TMEM132E: variants seen among roughly 807,000 people sequenced by gnomAD.
TMEM132E encodes transmembrane protein 132E.
A neutral mutation model predicts 78.5 loss-of-function variants in TMEM132E; 49 were observed. The ratio of observed to expected loss-of-function variants is 0.62; its 90% CI spans 0.50 to 0.79. TMEM132E has a LOEUF of 0.79. Ranked by LOEUF, TMEM132E falls within the 30% of genes least tolerant of loss-of-function variation. The probability of loss-of-function intolerance (pLI) is 0.00; values close to 1 mark genes in which losing one functional copy is unlikely to be tolerated. For synonymous variants in TMEM132E, 715 were observed against 670.6 expected (o/e 1.07, Z -1.02); for missense variants, 1,403 against 1,470.9 (o/e 0.95, Z 0.75).
intron 6 of TMEM132E, 78 bp downstream of exon 6, chr17:34,632,987 A>G: frequency 6.6e-7 from 1 of 1,515,494 alleles, no homozygotes; most frequent in Non-Finnish European, 9.1e-7. Context: ...TGATCTGCAT[A>G]TGGGTATAAG....
chr17:34,585,446 A>G (rs1195766007), intron 1 of TMEM132E, among the ~76,000 whole-genome samples: 1 of 152,200 alleles, frequency 6.6e-6, no homozygotes, highest in East Asian at 1.9e-4. Context: ...GGGAGTGTGT[A>G]GTAGCGGGCA....
At chr17:34,636,554 A>G (rs897628903) in intron 8 of TMEM132E, among the ~76,000 whole-genome samples, 2 of 152,188 alleles carry the variant, frequency 1.3e-5, no homozygotes, top group East Asian at 3.9e-4. Context: ...GAAAGGTGAC[A>G]GATGAGAGTC....
intron 1 of TMEM132E, among the ~76,000 whole-genome samples, chr17:34,600,058 G>A (rs34560307): frequency 1.3e-4 from 20 of 152,180 alleles, no homozygotes; most frequent in Non-Finnish European, 2.8e-4. Context: ...GTGGAAGATA[G>A]GTATGTCCTA....
intron 1 of TMEM132E, among the ~76,000 whole-genome samples, chr17:34,597,089 C>T (rs771914026): frequency 6.6e-6 from 1 of 152,064 alleles, no homozygotes; most frequent in Admixed American, 6.5e-5. Flanking sequence ...CTGCAGCCAC[C>T]GTATCAGACA....
At chr17:34,587,677 C>T (rs1160972536) in intron 1 of TMEM132E, among the ~76,000 whole-genome samples, 1 of 152,128 alleles carries the variant, frequency 6.6e-6, no homozygotes, top group Admixed American at 6.5e-5. Context: ...ATGCAGCGGC[C>T]TTGTCATGGT....
Position 34,593,175 on chromosome 17 carries a change from G to A in TMEM132E, c.67+12032G>A, listed in dbSNP as rs79464647. ...TAATCCTAGCACTTTGGGAAGCTGA[G>A]GCCAGAGAATCCCTTGAGACCAGGA... On this transcript the variant is annotated intron_variant, in intron 1 of 8. Coordinates refer to ENST00000631683, the MANE Select transcript of TMEM132E (RefSeq NM_001304438.2). 4.7e-3 allele frequency among the ~76,000 whole-genome samples: 718 copies of A among 151,812 alleles called. 7 individuals carry two copies. The highest frequency in any genetic ancestry group is 0.017 in the African/African-American group (688 of 41,376).
At chr17:34,587,527 C>T (rs1291832513) in intron 1 of TMEM132E, among the ~76,000 whole-genome samples, 1 of 152,124 alleles carries the variant, frequency 6.6e-6, no homozygotes, top group Non-Finnish European at 1.5e-5. Flanking sequence ...TGACTGATGA[C>T]CACTTTGCCC....
chr17:34,629,142 C>T lies in TMEM132E; in HGVS notation c.1276C>T (p.Arg426Trp), dbSNP rs200677547. ...CCACGGCGCCCTGCCTGACCTGGAGCGGGCAGTCACTGAGCTGACGGTCAT... is the reference window on the plus strand; with the variant it reads ...CCACGGCGCCCTGCCTGACCTGGAGTGGGCAGTCACTGAGCTGACGGTCAT... ...RGHGALPDLE[R>W]AVTELTVIQR... The change falls in exon 4 of 9, where the codon CGG becomes TGG. Residue 426 changes from arginine (R) to tryptophan (W), a missense_variant. By Grantham distance (101) the Arg-to-Trp change is moderately radical. Transcript: ENST00000631683. 2.5e-4 allele frequency: 397 copies of T among 1,613,858 alleles called. No individual in the cohort carries two copies. Among genetic ancestry groups the T allele is most frequent in the Non-Finnish European group, 3.0e-4 (357 of 1,179,936 alleles).
chr17:34,628,094 AAAG>A (rs1907216871), intron 2 of TMEM132E, among the ~76,000 whole-genome samples: 1 of 152,240 alleles, frequency 6.6e-6, no homozygotes, highest in African/African-American at 2.4e-5. Flanking sequence ...GCACTGAAGG[AAAG>A]AAGATTCAGA....
chr17:34,603,618 G>A (rs541093413), intron 1 of TMEM132E, among the ~76,000 whole-genome samples: 1 of 152,294 alleles, frequency 6.6e-6, no homozygotes, highest in East Asian at 1.9e-4. Flanking sequence ...ACCTGGGTCT[G>A]GAGCCTCAGA....
At chr17:34,619,802 G>A (rs537703594) in intron 1 of TMEM132E, among the ~76,000 whole-genome samples, 13 of 152,346 alleles carry the variant, frequency 8.5e-5, no homozygotes, top group African/African-American at 3.1e-4. Flanking sequence ...TGCTCTGGTT[G>A]ATTCCTATAT....
intron 1 of TMEM132E, among the ~76,000 whole-genome samples, chr17:34,624,135 T>G (rs1377864066): frequency 6.6e-6 from 1 of 152,228 alleles, no homozygotes; most frequent in Non-Finnish European, 1.5e-5. Context: ...CAAGGAAGAT[T>G]ACTGCAGATT....
Position 34,581,292 on chromosome 17 carries a change from G to T in TMEM132E, c.67+149G>T, listed in dbSNP as rs1022392469. On this transcript the variant is annotated intron_variant, in intron 1 of 8. Coordinates refer to ENST00000631683, the MANE Select transcript of TMEM132E (RefSeq NM_001304438.2). Reference sequence around the variant, plus strand: ...GTCTCTGGCTGCAGCTCGAGTTACCGCCAGCCCCCGAGCCCTCCGGCGAGC... The same window carrying T: ...GTCTCTGGCTGCAGCTCGAGTTACCTCCAGCCCCCGAGCCCTCCGGCGAGC... The T allele has an allele frequency of 9.3e-6, 7 of 750,636 alleles. No homozygotes were observed. In the South Asian group the frequency reaches 1.3e-4, roughly 14 times the overall value. 46.5% of individuals were successfully genotyped at this position (750,636 alleles called of 1,614,324 possible). A position where few individuals can be genotyped will look rare whatever the true frequency, so the allele number is the denominator to read the frequency against.
rs1342467174 is a variant in TMEM132E at position 34,630,224 on chromosome 17, G to A, written c.1482+73G>A. 1.8e-5 allele frequency: 27 copies of A among 1,523,140 alleles called. No homozygotes were observed. In the Admixed American group the frequency reaches 4.9e-4, roughly 28 times the overall value. The allele number at this position is 1,523,140 out of a possible 1,614,324, so 94.4% of individuals were successfully genotyped here. A position where few individuals can be genotyped will look rare whatever the true frequency, so the allele number is the denominator to read the frequency against. ...CAGGAGAGTAGAACCTCAAACCAGA[G>A]TCCAGGTGGCTGACTCTTACTCATC... is the stretch of plus-strand genomic sequence containing the variant. On this transcript the variant is annotated intron_variant, in intron 5 of 8. Transcript: ENST00000631683.
intron 2 of TMEM132E, among the ~76,000 whole-genome samples, 155 bp downstream of exon 2, chr17:34,627,212 C>T (rs1907182041): frequency 6.6e-6 from 1 of 152,318 alleles, no homozygotes; most frequent in South Asian, 2.1e-4. Context: ...TGAGCAACCT[C>T]AGGAAGATAC....
chr17:34,623,172 G>C (rs1302754026), intron 1 of TMEM132E, among the ~76,000 whole-genome samples: 1 of 152,190 alleles, frequency 6.6e-6, no homozygotes, highest in African/African-American at 2.4e-5. Context: ...CCCCCAGGGG[G>C]GGTGAGGGGA....
chr17:34,628,962 T>A lies in TMEM132E; in HGVS notation c.1146-50T>A, dbSNP rs927252994. On this transcript the variant is annotated intron_variant, in intron 3 of 8. Transcript: ENST00000631683. ...ACTGAGAGTTTCTGAGCTCCTGGGC[T>A]GCTCCCAGCCCTTCATCCTCTGCTC... 3 of 1,512,208 alleles carry A rather than the reference T, an allele frequency of 2.0e-6. No homozygotes were observed. The African/African-American group carries it at 4.2e-5, about 21-fold the overall frequency. 93.7% of individuals were successfully genotyped at this position (1,512,208 alleles called of 1,614,324 possible). A position where few individuals can be genotyped will look rare whatever the true frequency, so the allele number is the denominator to read the frequency against.
At chr17:34,605,729 C>T (rs893935775) in intron 1 of TMEM132E, among the ~76,000 whole-genome samples, 56 of 152,264 alleles carry the variant, frequency 3.7e-4, no homozygotes, top group African/African-American at 3.6e-4. Flanking sequence ...TCTCGTGAGT[C>T]GACCAGATGT....
intron 1 of TMEM132E, among the ~76,000 whole-genome samples, chr17:34,583,707 T>G (rs963665214): frequency 6.6e-6 from 1 of 152,138 alleles, no homozygotes; most frequent in Non-Finnish European, 1.5e-5. Context: ...TGGGTTTCAG[T>G]CTGACTCTGG....
Sources: allele counts gnomAD v4.1 joint callset (sites outside exome capture counted in the v4.1 genomes callset), GRCh38; gene constraint gnomAD v4.1.1; transcripts MANE v1.5; gene names NCBI Gene and HGNC (gene_info 2026-07-23, HGNC 2026-07-21).